Variants in MSH3 observed in about 807,000 individuals in gnomAD.
MSH3 encodes the protein mutS homolog 3, also known as DNA mismatch repair protein Msh3.
MSH3 carries 106 observed loss-of-function variants against 123.3 expected under a neutral mutation model. That is an observed-to-expected ratio of 0.86 (90% CI 0.73 to 1.01). MSH3 has a LOEUF of 1.01. Ranked by LOEUF, MSH3 falls within the 50% of genes least tolerant of loss-of-function variation. MSH3 has a pLI of 0.00. For synonymous variants in MSH3, 515 were observed against 481.4 expected (o/e 1.07, Z -0.91); for missense variants, 1,459 against 1,347.6 (o/e 1.08, Z -1.29).
intron 8 of MSH3, among the ~76,000 whole-genome samples, chr5:80,686,513 T>C (rs538723034): frequency 6.6e-6 from 1 of 152,026 alleles, no homozygotes; most frequent in Admixed American, 6.6e-5. Context: ...GGTTTCACCA[T>C]GTTGTCCAGG....
At chr5:80,858,619 G>T (rs1213154064) in intron 21 of MSH3, among the ~76,000 whole-genome samples, 1 of 152,014 alleles carries the variant, frequency 6.6e-6, no homozygotes, top group Admixed American at 6.6e-5. Flanking sequence ...TGTGTTTTAT[G>T]GCCCAAAATG....
chr5:80,841,531 A>C (rs1176209874), intron 20 of MSH3, among the ~76,000 whole-genome samples: 1 of 152,212 alleles, frequency 6.6e-6, no homozygotes, highest in Admixed American at 6.5e-5. Context: ...ACAGTGTAAA[A>C]GCGTTTCTGT....
At chr5:80,761,817 C>A in intron 13 of MSH3, 139 bp downstream of exon 13, 1 of 965,834 alleles carries the variant, frequency 1.0e-6, no homozygotes, top group Non-Finnish European at 1.6e-6. Context: ...GTAGCTGAAT[C>A]CTCAGAAATT....
At chr5:80,812,357 C>G (rs1420034393) in intron 19 of MSH3, among the ~76,000 whole-genome samples, 2 of 152,076 alleles carry the variant, frequency 1.3e-5, no homozygotes, top group Non-Finnish European at 2.9e-5. Flanking sequence ...ACTAATTACC[C>G]TCTTTACCCC....
At chr5:80,813,104 C>A (rs1247547726) in intron 19 of MSH3, among the ~76,000 whole-genome samples, 1 of 152,230 alleles carries the variant, frequency 6.6e-6, no homozygotes, top group Non-Finnish European at 1.5e-5. Context: ...TAATTAAATG[C>A]TGGTAAACCA....
chr5:80,728,443 C>T (rs970291233), intron 9 of MSH3, among the ~76,000 whole-genome samples: 35 of 152,002 alleles, frequency 2.3e-4, no homozygotes, highest in African/African-American at 5.3e-4. Flanking sequence ...TTAAGTACTA[C>T]GCTGTTAATG....
At chr5:80,692,225 G>T (rs1407272990) in intron 8 of MSH3, among the ~76,000 whole-genome samples, 42 of 80,310 alleles carry the variant, frequency 5.2e-4, no homozygotes, top group Non-Finnish European at 6.2e-4. Context: ...TATATGTTTA[G>T]ATAGATAAAC....
chr5:80,742,159 G>C (rs1307105150), intron 11 of MSH3, among the ~76,000 whole-genome samples: 2 of 152,068 alleles, frequency 1.3e-5, no homozygotes, highest in Non-Finnish European at 2.9e-5. Flanking sequence ...ACAGGCACCT[G>C]CCACCACGCC....
intron 12 of MSH3, among the ~76,000 whole-genome samples, chr5:80,746,059 A>G (rs1743713359): frequency 6.6e-6 from 1 of 152,158 alleles, no homozygotes; most frequent in Non-Finnish European, 1.5e-5. Flanking sequence ...TCACTTTACA[A>G]AAAAGAGGGA....
rs1279149249 is a variant in MSH3 at position 80,654,949 on chromosome 5, G to A, written c.222G>A (p.Gln74=). Reference sequence around the variant, plus strand: ...CCCCAGCTCCCGCCTTCCCGCCCCAGCTGCCGCCGCACATAGTAGGTTCTG... The same window carrying A: ...CCCCAGCTCCCGCCTTCCCGCCCCAACTGCCGCCGCACATAGTAGGTTCTG... The part of the protein sequence containing the change: ...PAPPAPAFPP[Q]LPPHIATEID... The change falls in exon 1 of 24, where the codon CAG becomes CAA. Residue 74 remains glutamine (Q), a synonymous_variant. Transcript: ENST00000265081. 4 of 1,478,356 alleles carry A rather than the reference G, an allele frequency of 2.7e-6. No homozygotes were observed. Among genetic ancestry groups the A allele is most frequent in the Non-Finnish European group, 2.7e-6 (3 of 1,114,732 alleles). 91.6% of individuals were successfully genotyped at this position (1,478,356 alleles called of 1,614,324 possible).
chr5:80,819,919 T>G (rs1465608838), intron 20 of MSH3, among the ~76,000 whole-genome samples: 1 of 152,220 alleles, frequency 6.6e-6, no homozygotes, highest in Admixed American at 6.5e-5. Context: ...TTACTGAGTA[T>G]GCCAAGAAAG....
intron 8 of MSH3, among the ~76,000 whole-genome samples, chr5:80,694,593 C>CT (rs957531401): frequency 3.3e-5 from 5 of 151,300 alleles, no homozygotes; most frequent in South Asian, 4.2e-4. Flanking sequence ...TCTAAGGTTT[C>CT]TTTTTTTTTA....
chr5:80,869,964 G>A (rs937836189), intron 22 of MSH3, among the ~76,000 whole-genome samples: 23 of 150,676 alleles, frequency 1.5e-4, no homozygotes, highest in Admixed American at 1.2e-3. Flanking sequence ...ACCTGAGGTC[G>A]GGAGTTCAAG....
chr5:80,712,426 G>C (rs993392949), intron 8 of MSH3, among the ~76,000 whole-genome samples: 1 of 151,866 alleles, frequency 6.6e-6, no homozygotes, highest in Non-Finnish European at 1.5e-5. Flanking sequence ...GTTTTTATTC[G>C]AATTTTATTT....
chr5:80,839,917 C>T (rs1470830186), intron 20 of MSH3, among the ~76,000 whole-genome samples: 1 of 152,158 alleles, frequency 6.6e-6, no homozygotes, highest in East Asian at 1.9e-4. Context: ...TAGAGGCAAC[C>T]ACTGAGTGGT....
chr5:80,746,527 A>G (rs548596620), intron 12 of MSH3: 1 of 471,216 alleles, frequency 2.1e-6, no homozygotes, highest in African/African-American at 2.0e-5. Context: ...AAGTAGTACA[A>G]AAAGTATTCC....
intron 20 of MSH3, among the ~76,000 whole-genome samples, chr5:80,814,568 G>A (rs893224975): frequency 1.3e-5 from 2 of 152,226 alleles, no homozygotes; most frequent in African/African-American, 4.8e-5. Context: ...ACCACACCCA[G>A]CTGAGTTCTT....
intron 10 of MSH3, among the ~76,000 whole-genome samples, chr5:80,732,346 A>G (rs2112860745): frequency 6.6e-6 from 1 of 152,204 alleles, no homozygotes; most frequent in East Asian, 1.9e-4. Flanking sequence ...GAGAAAATCC[A>G]CCCAAGATAA....
chr5:80,761,750 C>G, intron 13 of MSH3, 72 bp downstream of exon 13: 1 of 1,489,532 alleles, frequency 6.7e-7, no homozygotes, highest in South Asian at 1.2e-5. Context: ...TAAAAGAAAA[C>G]TTTTGAGAGC....
Sources: gnomAD v4.1 joint callset for allele counts (sites outside exome capture counted in the v4.1 genomes callset) on GRCh38, gnomAD v4.1.1 for gene constraint, MANE v1.5 for transcripts, NCBI Gene and HGNC (gene_info 2026-07-23, HGNC 2026-07-21) for gene names.